The following MAP2K4 variants were observed in gnomAD, a reference collection of about 807,000 sequenced individuals.
The protein encoded by MAP2K4 is dual specificity mitogen-activated protein kinase kinase 4.
A neutral mutation model predicts 48.5 loss-of-function variants in MAP2K4; 4 were observed. The ratio of observed to expected loss-of-function variants is 0.08; its 90% confidence interval spans 0.04 to 0.19. The LOEUF (loss-of-function observed/expected upper bound fraction) is 0.19, where lower values mean the gene tolerates loss of function less well. Among genes scored for constraint, MAP2K4 ranks in the 10% least tolerant of loss-of-function variants. The pLI is 1.00. For missense variants in MAP2K4, 258 were observed against 493.3 expected (o/e 0.52, Z 4.52); for synonymous variants, 166 against 173.1 (o/e 0.96, Z 0.32).
At position 12,034,374 on chromosome 17, in the gene MAP2K4, G is replaced by A. The variant is rs187321892; in HGVS notation, c.115+13373G>A. On this transcript the variant is annotated intron_variant, in intron 1 of 10. Transcript: ENST00000353533. ...ACCTGTTAGAACTTAATTATGTGGT[G>A]GAGGGGCATATGTATTCCCACTTTG... 4.1e-4 allele frequency among the ~76,000 whole-genome samples: 62 copies of A among 152,314 alleles called. No homozygotes were observed. The East Asian group carries it at 0.011, about 28-fold the overall frequency.
rs1202389949 is a variant in MAP2K4 at position 12,083,096 on chromosome 17, ATTAT to A, written c.393+1569_393+1572del. On this transcript the variant is annotated intron_variant, in intron 3 of 10. Coordinates refer to ENST00000353533, the MANE Select transcript of MAP2K4 (RefSeq NM_003010.4). The stretch of plus-strand genomic sequence containing the variant: ...GTACTAGGGAAAGTAATTTTAAAAA[ATTAT>A]TTCCTGCTTTTTACAGTTTGTGTTA... Among the ~76,000 whole-genome samples the A allele has an allele frequency of 2.0e-5, 3 of 152,204 alleles. No individual in the cohort carries two copies. In the East Asian group the frequency reaches 5.8e-4, roughly 29 times the overall value.
At chr17:12,104,678 A>G (rs1972048011) in intron 4 of MAP2K4, among the ~76,000 whole-genome samples, 1 of 151,856 alleles carries the variant, frequency 6.6e-6, no homozygotes, top group Non-Finnish European at 1.5e-5. Context: ...ATCCAAATAG[A>G]TGTTTTTGTC....
Position 12,143,324 on chromosome 17 carries a change from TAAG to T in MAP2K4, c.*2068_*2070del, listed in dbSNP as rs1056106567. On this transcript the variant is annotated 3_prime_UTR_variant, in exon 11 of 11. Transcript: ENST00000353533. ...CCGTTCTATTGTGTGGATGACCACATAAGAAGGCAATTTTAGTGTATTAATCAT... is the reference window on the plus strand; with the variant it reads ...CCGTTCTATTGTGTGGATGACCACATAAGGCAATTTTAGTGTATTAATCAT... 8.6e-5 allele frequency: 20 copies of T among 232,870 alleles called. No homozygotes were observed. The highest frequency in any genetic ancestry group is 1.4e-4 in the Non-Finnish European group (17 of 117,536). 14.4% of individuals were successfully genotyped at this position (232,870 alleles called of 1,614,324 possible).
intron 1 of MAP2K4, among the ~76,000 whole-genome samples, chr17:12,044,601 C>T (rs953128060): frequency 6.6e-6 from 1 of 152,228 alleles, no homozygotes; most frequent in East Asian, 1.9e-4. Context: ...ACATAGAAGA[C>T]TTTGTGACCA....
At position 12,135,142 on chromosome 17, in the gene MAP2K4, G is replaced by A. The variant is rs141666185; in HGVS notation, c.1041-4697G>A. ...TTGCTCTTGTTGCCCAGGCTGGAGT[G>A]CAATGGCATGATCTCGGCTCACCGC... On this transcript the variant is annotated intron_variant, in intron 9 of 10. Coordinates refer to ENST00000353533, the MANE Select transcript of MAP2K4 (RefSeq NM_003010.4). Among the ~76,000 whole-genome samples, 179 of 152,288 alleles carry A rather than the reference G, an allele frequency of 1.2e-3. 1 individual carries two copies. The highest frequency in any genetic ancestry group is 4.0e-3 in the African/African-American group (168 of 41,564).
intron 2 of MAP2K4, among the ~76,000 whole-genome samples, chr17:12,060,602 C>T (rs1408206252): frequency 6.6e-6 from 1 of 152,094 alleles, no homozygotes; most frequent in Non-Finnish European, 1.5e-5. Context: ...TTGAAGCAAT[C>T]ATGATACTGT....
intron 4 of MAP2K4, among the ~76,000 whole-genome samples, chr17:12,101,069 A>G (rs1971921703): frequency 6.6e-6 from 1 of 152,104 alleles, no homozygotes; most frequent in Non-Finnish European, 1.5e-5. Context: ...TAATGTTGAT[A>G]TAGGCCAATT....
At chr17:12,132,043 A>G (rs1326514285) in intron 9 of MAP2K4, among the ~76,000 whole-genome samples, 1 of 152,202 alleles carries the variant, frequency 6.6e-6, no homozygotes, top group Non-Finnish European at 1.5e-5. Flanking sequence ...AAATACCACT[A>G]TAATTACCAG....
intron 1 of MAP2K4, among the ~76,000 whole-genome samples, chr17:12,023,221 G>T (rs531785400): frequency 2.6e-5 from 4 of 152,250 alleles, no homozygotes; most frequent in Admixed American, 2.0e-4. Flanking sequence ...TCAGGATGTT[G>T]TCTAGAACAG....
At chr17:12,079,006 C>G (rs886361403) in intron 2 of MAP2K4, among the ~76,000 whole-genome samples, 13 of 152,200 alleles carry the variant, frequency 8.5e-5, no homozygotes, top group Non-Finnish European at 1.6e-4. Flanking sequence ...GTTTTTACAG[C>G]ACTTTTTCTT....
chr17:12,141,391 A>T lies in MAP2K4; in HGVS notation c.*131A>T. On this transcript the variant is annotated 3_prime_UTR_variant, in exon 11 of 11. Transcript: ENST00000353533. ...TGCAATAAGATTGGTGTTCGTTTCC[A>T]TCATGTCTGTATACTCCTGTCACCT... 1.4e-6 allele frequency: 1 copy of T among 705,244 alleles called. No homozygotes were observed. Among genetic ancestry groups the T allele is most frequent in the Admixed American group, 2.0e-5 (1 of 48,854 alleles). 43.7% of individuals were successfully genotyped at this position (705,244 alleles called of 1,614,324 possible). A position where few individuals can be genotyped will look rare whatever the true frequency, so the allele number is the denominator to read the frequency against.
At chr17:12,040,222 A>G (rs1275338544) in intron 1 of MAP2K4, among the ~76,000 whole-genome samples, 1 of 152,172 alleles carries the variant, frequency 6.6e-6, no homozygotes, top group Non-Finnish European at 1.5e-5. Context: ...GTTGACTCTC[A>G]TTTTCAGACA....
chr17:12,094,241 T>C (rs1291616096), intron 3 of MAP2K4, among the ~76,000 whole-genome samples: 1 of 152,216 alleles, frequency 6.6e-6, no homozygotes, highest in Non-Finnish European at 1.5e-5. Context: ...ATACTGTAGG[T>C]AGCAAGCTGT....
chr17:12,113,006 G>A (rs1340628552), intron 6 of MAP2K4: 1 of 337,418 alleles, frequency 3.0e-6, no homozygotes, highest in East Asian at 4.3e-5. Flanking sequence ...TTTGTGAAAT[G>A]ACTTTTGCTG....
intron 2 of MAP2K4, among the ~76,000 whole-genome samples, chr17:12,066,389 T>C (rs1970617508): frequency 6.6e-6 from 1 of 152,216 alleles, no homozygotes; most frequent in Admixed American, 6.5e-5. Flanking sequence ...ACATAATTTA[T>C]ATAGATCCTT....
At chr17:12,025,567 TAGAA>T (rs1969227713) in intron 1 of MAP2K4, among the ~76,000 whole-genome samples, 1 of 152,176 alleles carries the variant, frequency 6.6e-6, no homozygotes, top group African/African-American at 2.4e-5. Flanking sequence ...AAGAAATAGT[TAGAA>T]AGTATATGTT....
At chr17:12,058,852 A>G (rs1277936154) in intron 2 of MAP2K4, among the ~76,000 whole-genome samples, 2 of 152,282 alleles carry the variant, frequency 1.3e-5, no homozygotes, top group East Asian at 1.9e-4. Flanking sequence ...TTTATTTTTA[A>G]TAGTTTGAAG....
At chr17:12,115,551 A>T in intron 7 of MAP2K4, 1 of 681,600 alleles carries the variant, frequency 1.5e-6, no homozygotes, top group Non-Finnish European at 2.8e-6. Flanking sequence ...AGAAAGATGG[A>T]AGACTACCAG....
At chr17:12,026,919 C>T (rs968111360) in intron 1 of MAP2K4, 1 of 152,170 alleles carries the variant, frequency 6.6e-6, no homozygotes, top group African/African-American at 2.4e-5. Flanking sequence ...GATTGGGAAT[C>T]TCCAAGTAAG....
Sources: gnomAD v4.1 joint callset for allele counts (sites outside exome capture counted in the v4.1 genomes callset) on GRCh38, gnomAD v4.1.1 for gene constraint, MANE v1.5 for transcripts, NCBI Gene and HGNC (gene_info 2026-07-23, HGNC 2026-07-21) for gene names.